The following RBM47 variants were observed in gnomAD, a reference collection of about 807,000 sequenced individuals.
RBM47 encodes the protein RNA binding motif protein 47.
Under a neutral mutation model 47.1 loss-of-function variants are expected in RBM47, and 21 were observed. The observed-to-expected ratio is 0.45, with a 90% confidence interval of 0.32 to 0.64. The LOEUF is 0.64. Ranked by LOEUF, RBM47 falls within the 30% of genes least tolerant of loss-of-function variation. The probability of loss-of-function intolerance (pLI) is 0.05; values close to 1 mark genes in which losing one functional copy is unlikely to be tolerated. For synonymous variants in RBM47, 375 were observed against 361.7 expected, an observed-to-expected ratio of 1.04 and a Z score of -0.42; for missense variants, 708 against 870.9, an observed-to-expected ratio of 0.81 and a Z score of 2.35.
intron 1 of RBM47, among the ~76,000 whole-genome samples, chr4:40,588,992 CTTTTTTTTTTTTTT>C (rs34195998): frequency 1.0e-4 from 8 of 79,448 alleles, no homozygotes; most frequent in Non-Finnish European, 1.5e-4. Flanking sequence ...TAAAGCGTTT[CTTTTTTTTTTTTTT>C]TTTTTTTTTT....
intron 3 of RBM47, among the ~76,000 whole-genome samples, chr4:40,455,172 T>C (rs1348060037): frequency 6.6e-6 from 1 of 152,172 alleles, no homozygotes; most frequent in African/African-American, 2.4e-5. Flanking sequence ...TGTAAAGGAG[T>C]TAACATATTC....
intron 1 of RBM47, among the ~76,000 whole-genome samples, chr4:40,618,527 C>A (rs1164221004): frequency 6.6e-6 from 1 of 152,068 alleles, no homozygotes; most frequent in Non-Finnish European, 1.5e-5. Flanking sequence ...GGGGAAACTT[C>A]TAGCTGGGGG....
intron 1 of RBM47, among the ~76,000 whole-genome samples, chr4:40,561,457 CA>C (rs757962251): frequency 1.1e-4 from 17 of 151,868 alleles, no homozygotes; most frequent in Non-Finnish European, 2.2e-4. Context: ...CTCCTGACCT[CA>C]GGTGATCCAC....
chr4:40,579,144 C>T (rs1025199064), intron 1 of RBM47, among the ~76,000 whole-genome samples: 1 of 146,176 alleles, frequency 6.8e-6, no homozygotes, highest in East Asian at 2.0e-4. Flanking sequence ...AAAATGCAGC[C>T]AGGCACGGTG....
chr4:40,482,541 C>G (rs938803882), intron 2 of RBM47, among the ~76,000 whole-genome samples: 4 of 152,044 alleles, frequency 2.6e-5, no homozygotes, highest in Non-Finnish European at 5.9e-5. Flanking sequence ...GGTGTAAGCA[C>G]CTGGCCTAGC....
At chr4:40,560,961 C>T (rs564162913) in intron 1 of RBM47, among the ~76,000 whole-genome samples, 7 of 148,982 alleles carry the variant, frequency 4.7e-5, no homozygotes, top group African/African-American at 1.2e-4. Flanking sequence ...AAGACTCCTT[C>T]TCGGAAAAAA....
chr4:40,470,446 C>A (rs1047201160), intron 2 of RBM47, among the ~76,000 whole-genome samples: 15 of 152,176 alleles, frequency 9.9e-5, no homozygotes, highest in African/African-American at 3.6e-4. Flanking sequence ...TTATTGGATG[C>A]TTCTGGCATC....
intron 2 of RBM47, among the ~76,000 whole-genome samples, chr4:40,473,060 T>G (rs554896208): frequency 5.9e-5 from 9 of 152,266 alleles, no homozygotes; most frequent in African/African-American, 1.9e-4. Context: ...CTAAACCAAA[T>G]TGAGATGGTA....
At chr4:40,604,714 T>TTTGTTGTTGTTGTTGTTGTTGTTG (rs57799277) in intron 1 of RBM47, among the ~76,000 whole-genome samples, 5 of 151,636 alleles carry the variant, frequency 3.3e-5, no homozygotes, top group Non-Finnish European at 7.4e-5. Flanking sequence ...CACATGGCTC[T>TTTGTTGTTGTTGTTGTTGTTGTTG]TTGTTGTTGT....
intron 1 of RBM47, among the ~76,000 whole-genome samples, chr4:40,616,569 A>G (rs1337084137): frequency 6.6e-6 from 1 of 152,062 alleles, no homozygotes; most frequent in Non-Finnish European, 1.5e-5. Context: ...TCATATCCCC[A>G]GTTCGCTTTA....
intron 1 of RBM47, among the ~76,000 whole-genome samples, chr4:40,561,992 C>G (rs1365139595): frequency 6.6e-6 from 1 of 152,166 alleles, no homozygotes; most frequent in Non-Finnish European, 1.5e-5. Flanking sequence ...TGACTTGAAA[C>G]CTGTTTCTCA....
At chr4:40,627,450 T>C (rs1737848335) in intron 1 of RBM47, among the ~76,000 whole-genome samples, 1 of 152,152 alleles carries the variant, frequency 6.6e-6, no homozygotes, top group South Asian at 2.1e-4. Context: ...CCTGACCTTT[T>C]CTGAAAAATC....
chr4:40,618,235 CA>C (rs34659484), intron 1 of RBM47, among the ~76,000 whole-genome samples: 49,248 of 147,454 alleles, frequency 0.33, 8,134 homozygotes, highest in African/African-American at 0.41. Context: ...GCAAGACCCT[CA>C]AAAAAAAAGA....
chr4:40,615,052 G>A (rs1736598340), intron 1 of RBM47, among the ~76,000 whole-genome samples: 1 of 152,204 alleles, frequency 6.6e-6, no homozygotes, highest in South Asian at 2.1e-4. Context: ...TTTGAACACA[G>A]GAGGTTGAAG....
rs148759052 is a variant in RBM47 at position 40,487,207 on chromosome 4, C to T, written c.-154-20508G>A. Among the ~76,000 whole-genome samples the T allele has an allele frequency of 6.1e-3, 932 of 152,330 alleles. 15 individuals are homozygous for T. Among genetic ancestry groups the T allele is most frequent in the African/African-American group, 0.021 (882 of 41,582 alleles). On this transcript the variant is annotated intron_variant, in intron 2 of 6. Transcript: ENST00000295971. Reference sequence around the variant, plus strand: ...GAACCGAAAGCAACAAAAAAGACCCCAAAGGAATTGGCATCTTGGGAACTC... The same window carrying T: ...GAACCGAAAGCAACAAAAAAGACCCTAAAGGAATTGGCATCTTGGGAACTC...
intron 2 of RBM47, among the ~76,000 whole-genome samples, chr4:40,471,715 G>A (rs527897071): frequency 1.4e-4 from 21 of 150,992 alleles, no homozygotes; most frequent in Middle Eastern, 3.5e-3. Flanking sequence ...AAAAGGAAGC[G>A]TTTTATCACC....
chr4:40,564,594 C>T (rs577082302), intron 1 of RBM47, among the ~76,000 whole-genome samples: 1 of 152,180 alleles, frequency 6.6e-6, no homozygotes, highest in Non-Finnish European at 1.5e-5. Flanking sequence ...ACAGGCAACA[C>T]ATCTGTTGGT....
intron 1 of RBM47, among the ~76,000 whole-genome samples, chr4:40,611,331 T>C (rs1736239736): frequency 6.6e-6 from 1 of 152,244 alleles, no homozygotes. Flanking sequence ...CAACCCAGAA[T>C]ACTTCTGATA....
At chr4:40,457,835 A>G (rs1175328706) in intron 3 of RBM47, among the ~76,000 whole-genome samples, 1 of 152,210 alleles carries the variant, frequency 6.6e-6, no homozygotes. Flanking sequence ...AGATTTAGAA[A>G]GTGAACTTTT....
Sources: allele counts gnomAD v4.1 joint callset (sites outside exome capture counted in the v4.1 genomes callset), GRCh38; gene constraint gnomAD v4.1.1; transcripts MANE v1.5; gene names NCBI Gene and HGNC (gene_info 2026-07-23, HGNC 2026-07-21).